The following UNC5C variants were observed in gnomAD, a reference collection of about 807,000 sequenced individuals.
UNC5C encodes the protein unc-5 netrin receptor C.
UNC5C carries 47 observed loss-of-function variants against 99.8 expected under a neutral mutation model. The observed-to-expected ratio is 0.47, with a 90% confidence interval of 0.37 to 0.60. The LOEUF is 0.60. Ranked by LOEUF, UNC5C falls within the 20% of genes least tolerant of loss-of-function variation. The pLI, the probability that UNC5C is intolerant of heterozygous loss-of-function variation, is 0.00. For synonymous variants in UNC5C, 487 were observed against 452.2 expected (o/e 1.08, Z -0.98); for missense variants, 1,062 against 1,165.9 (o/e 0.91, Z 1.30).
rs77000176 is a variant in UNC5C at position 95,368,845 on chromosome 4, G to A, written c.125-33214C>T. On this transcript the variant is annotated intron_variant, in intron 1 of 15. Transcript: ENST00000453304. ...TATATTCAACATTAAATTTTATTGA[G>A]GATATATTTTACATTTTTTTCCTTG... Among the ~76,000 whole-genome samples the A allele has an allele frequency of 0.044, 6,639 of 152,082 alleles. 758 individuals carry two copies. The East Asian group carries it at 0.5, about 11-fold the overall frequency.
intron 2 of UNC5C, among the ~76,000 whole-genome samples, chr4:95,332,783 C>T (rs1379058455): frequency 6.6e-6 from 1 of 151,162 alleles, no homozygotes; most frequent in Non-Finnish European, 1.5e-5. Flanking sequence ...AGTGAACAGG[C>T]AACCTACAAA....
intron 4 of UNC5C, among the ~76,000 whole-genome samples, chr4:95,260,017 G>A (rs963818866): frequency 2.0e-5 from 3 of 152,036 alleles, no homozygotes; most frequent in African/African-American, 7.2e-5. Flanking sequence ...CCTAAGAGAT[G>A]GAATTTTCTT....
At chr4:95,317,370 C>A (rs1478471124) in intron 2 of UNC5C, among the ~76,000 whole-genome samples, 2 of 152,112 alleles carry the variant, frequency 1.3e-5, no homozygotes, top group African/African-American at 4.8e-5. Flanking sequence ...CAACTGAGAG[C>A]GGCTGCATTA....
chr4:95,284,126 T>TA (rs1245589406), intron 3 of UNC5C, among the ~76,000 whole-genome samples: 3 of 151,520 alleles, frequency 2.0e-5, no homozygotes, highest in Admixed American at 2.0e-4. Flanking sequence ...TTTCAGTGAT[T>TA]TTTTTTTTGC....
chr4:95,196,803 G>GTAATATATAATATATATATTATATTTATT, intron 12 of UNC5C, among the ~76,000 whole-genome samples: 1 of 14,490 alleles, frequency 6.9e-5, no homozygotes, highest in Non-Finnish European at 1.1e-4. Context: ...TTATATTTAT[G>GTAATATATAATATATATATTATATTTATT]TAATATATAA....
At chr4:95,476,563 C>T (rs533501625) in intron 1 of UNC5C, among the ~76,000 whole-genome samples, 1 of 152,032 alleles carries the variant, frequency 6.6e-6, no homozygotes, top group African/African-American at 2.4e-5. Context: ...ATTACCTTTG[C>T]TAAATTTAAA....
intron 1 of UNC5C, among the ~76,000 whole-genome samples, chr4:95,406,634 C>T (rs897616549): frequency 5.9e-5 from 9 of 152,110 alleles, no homozygotes; most frequent in African/African-American, 1.9e-4. Flanking sequence ...TTTCTTTCAC[C>T]GTCAGTCCCT....
chr4:95,472,906 T>TA (rs11374828), intron 1 of UNC5C, among the ~76,000 whole-genome samples: 47,072 of 147,532 alleles, frequency 0.32, 7,710 homozygotes, highest in Non-Finnish European at 0.38. Context: ...TTGTAAAATC[T>TA]AAAAAAAAAA....
intron 1 of UNC5C, among the ~76,000 whole-genome samples, chr4:95,371,102 A>G (rs761484048): frequency 6.1e-4 from 93 of 152,222 alleles, no homozygotes; most frequent in Non-Finnish European, 8.7e-4. Flanking sequence ...GTTTATTGAT[A>G]AAGTTACTTT....
At chr4:95,444,401 G>A (rs1182109520) in intron 1 of UNC5C, among the ~76,000 whole-genome samples, 1 of 149,232 alleles carries the variant, frequency 6.7e-6, no homozygotes, top group East Asian at 2.0e-4. Context: ...TGCGATCTCC[G>A]CTCACTGCAG....
At chr4:95,465,328 T>C (rs1473877994) in intron 1 of UNC5C, among the ~76,000 whole-genome samples, 1 of 152,112 alleles carries the variant, frequency 6.6e-6, no homozygotes, top group Non-Finnish European at 1.5e-5. Context: ...ACAAAAGAAG[T>C]GCAATCATCA....
chr4:95,249,222 A>C lies in UNC5C; in HGVS notation c.775+1265T>G, dbSNP rs576868609. Among the ~76,000 whole-genome samples the C allele has an allele frequency of 7.5e-4, 114 of 152,288 alleles. No individual in the cohort carries two copies. In the South Asian group the frequency reaches 0.015, roughly 20 times the overall value. ...ACTCTATGATGTTTGCCCAGTGATGAAATCACCTAATGATGCAATTCTCAG... is the reference window on the plus strand; with the variant it reads ...ACTCTATGATGTTTGCCCAGTGATGCAATCACCTAATGATGCAATTCTCAG... On this transcript the variant is annotated intron_variant, in intron 5 of 15. Transcript: ENST00000453304.
chr4:95,418,330 T>A (rs559510229), intron 1 of UNC5C, among the ~76,000 whole-genome samples: 1 of 152,366 alleles, frequency 6.6e-6, no homozygotes, highest in South Asian at 2.1e-4. Context: ...TATACAAGTT[T>A]CATTAGAAAC....
At chr4:95,374,015 C>T (rs2626042) in intron 1 of UNC5C, among the ~76,000 whole-genome samples, 95,739 of 151,296 alleles carry the variant, frequency 0.63, 31,929 homozygotes, top group African/African-American at 0.85. Flanking sequence ...CCTTAAATTA[C>T]ATTATAAGCA....
chr4:95,323,659 C>T (rs1403713073), intron 2 of UNC5C, among the ~76,000 whole-genome samples: 1 of 152,178 alleles, frequency 6.6e-6, no homozygotes, highest in Non-Finnish European at 1.5e-5. Context: ...GCAGCATTTC[C>T]TAAATCATCT....
At chr4:95,184,835 A>T (rs1220979161) in intron 13 of UNC5C, among the ~76,000 whole-genome samples, 1 of 152,194 alleles carries the variant, frequency 6.6e-6, no homozygotes, top group African/African-American at 2.4e-5. Context: ...TAAAACAATG[A>T]TAGTACATTT....
chr4:95,433,993 C>G (rs1746704584), intron 1 of UNC5C, among the ~76,000 whole-genome samples: 1 of 152,098 alleles, frequency 6.6e-6, no homozygotes, highest in African/African-American at 2.4e-5. Flanking sequence ...TTAAAAATGC[C>G]TTCCCTGCCT....
At chr4:95,378,314 T>A (rs182964373) in intron 1 of UNC5C, among the ~76,000 whole-genome samples, 1 of 152,156 alleles carries the variant, frequency 6.6e-6, no homozygotes, top group South Asian at 2.1e-4. Context: ...ATATATAATC[T>A]ATTAATAAGA....
rs1381857510 is a variant in UNC5C, at chr4:95,192,471, CTCCCCTTCTCACCTCT to C, written c.2137-7291_2137-7276del. On this transcript the variant is annotated intron_variant, in intron 12 of 15. Coordinates refer to ENST00000453304, the MANE Select transcript of UNC5C (RefSeq NM_003728.4). Reference sequence around the variant, plus strand: ...TCTCATCTCCTTCCCTGTTCACCTCCTCCCCTTCTCACCTCTTCCCCTTCTCACCTCTCCTCCCCTG... The same window carrying C: ...TCTCATCTCCTTCCCTGTTCACCTCCTCCCCTTCTCACCTCTCCTCCCCTG... 2.9e-5 allele frequency among the ~76,000 whole-genome samples: 4 copies of C among 138,276 alleles called. No individual in the cohort carries two copies. The East Asian group carries it at 7.2e-4, about 25-fold the overall frequency. 90.7% of individuals were successfully genotyped at this position (138,276 alleles called of 152,430 possible). A position where few individuals can be genotyped will look rare whatever the true frequency, so the allele number is the denominator to read the frequency against.
Sources: gnomAD v4.1 joint callset for allele counts (sites outside exome capture counted in the v4.1 genomes callset) on GRCh38, gnomAD v4.1.1 for gene constraint, MANE v1.5 for transcripts, NCBI Gene and HGNC (gene_info 2026-07-23, HGNC 2026-07-21) for gene names.